SYT16: variants seen among roughly 807,000 people sequenced by gnomAD.
SYT16 encodes synaptotagmin-16.
Under a neutral mutation model 61.4 loss-of-function variants are expected in SYT16, and 42 were observed. The observed-to-expected ratio is 0.68, with a 90% CI of 0.53 to 0.89. The LOEUF is 0.89. Ranked by LOEUF, SYT16 falls within the 40% of genes least tolerant of loss-of-function variation. SYT16 has a pLI of 0.00. For missense variants in SYT16, 804 were observed against 807.3 expected (o/e 1.00, Z 0.05); for synonymous variants, 314 against 302.3 (o/e 1.04, Z -0.40).
chr14:61,933,963 G>C (rs2049877000), intron 1 of SYT16, among the ~76,000 whole-genome samples: 1 of 152,036 alleles, frequency 6.6e-6, no homozygotes, highest in Admixed American at 6.5e-5. Context: ...ATATTTGTGT[G>C]TATATATGAG....
At chr14:62,008,207 T>C (rs532420296) in intron 3 of SYT16, among the ~76,000 whole-genome samples, 1 of 152,180 alleles carries the variant, frequency 6.6e-6, no homozygotes, top group Non-Finnish European at 1.5e-5. Flanking sequence ...GGTACCCTCT[T>C]CCCATATCTG....
chr14:62,023,927 A>G (rs1158108144), intron 3 of SYT16, among the ~76,000 whole-genome samples: 8 of 152,146 alleles, frequency 5.3e-5, no homozygotes, highest in Admixed American at 1.3e-4. Flanking sequence ...TAAAGTTTAT[A>G]TGGGAAAATG....
intron 1 of SYT16, among the ~76,000 whole-genome samples, chr14:61,924,766 T>C (rs2140412862): frequency 6.6e-6 from 1 of 152,318 alleles, no homozygotes; most frequent in East Asian, 1.9e-4. Context: ...ACAAATAGTG[T>C]ATGGATTAAA....
chr14:61,935,008 A>T (rs899669601), intron 1 of SYT16, among the ~76,000 whole-genome samples: 4 of 152,212 alleles, frequency 2.6e-5, no homozygotes, highest in African/African-American at 4.8e-5. Context: ...CATAAATTTA[A>T]GGTGTGCAAC....
intron 3 of SYT16, among the ~76,000 whole-genome samples, chr14:62,020,797 C>T (rs1281297642): frequency 1.3e-5 from 2 of 152,138 alleles, no homozygotes; most frequent in African/African-American, 4.8e-5. Context: ...CCGCATGTCC[C>T]CAGTGCTGGC....
chr14:61,888,861 A>G (rs1324071370), intron 1 of SYT16, among the ~76,000 whole-genome samples: 2 of 152,230 alleles, frequency 1.3e-5, no homozygotes, highest in South Asian at 2.1e-4. Context: ...AAAAGGTACA[A>G]TGATGAGGAT....
intron 1 of SYT16, among the ~76,000 whole-genome samples, chr14:61,969,041 G>A (rs546615184): frequency 4.5e-4 from 69 of 152,256 alleles, no homozygotes; most frequent in South Asian, 1.5e-3. Flanking sequence ...TCAAGGTGTT[G>A]AGATTGGTTT....
intron 3 of SYT16, among the ~76,000 whole-genome samples, chr14:62,018,304 T>TC (rs2053778654): frequency 2.4e-5 from 1 of 42,146 alleles, no homozygotes; most frequent in Non-Finnish European, 4.5e-5. Flanking sequence ...TCTTCTTTTT[T>TC]TTTTTTTTTT....
intron 1 of SYT16, among the ~76,000 whole-genome samples, chr14:61,969,533 G>A (rs1478736170): frequency 1.3e-5 from 2 of 152,140 alleles, no homozygotes; most frequent in Admixed American, 1.3e-4. Flanking sequence ...AATATTAGTA[G>A]TCAAAACTAC....
At chr14:61,893,610 T>A (rs1039544377) in intron 1 of SYT16, among the ~76,000 whole-genome samples, 2 of 152,254 alleles carry the variant, frequency 1.3e-5, no homozygotes, top group Non-Finnish European at 2.9e-5. Flanking sequence ...TTTCTTTTTT[T>A]AGCTGTAATT....
chr14:61,972,178 A>C (rs1338224722), intron 2 of SYT16, among the ~76,000 whole-genome samples: 1 of 152,256 alleles, frequency 6.6e-6, no homozygotes, highest in Non-Finnish European at 1.5e-5. Flanking sequence ...ATAGCAAGTC[A>C]CAGTAATGGC....
chr14:61,884,377 A>G (rs1365484071), intron 1 of SYT16, among the ~76,000 whole-genome samples: 1 of 152,238 alleles, frequency 6.6e-6, no homozygotes, highest in East Asian at 1.9e-4. Context: ...AAAGTAAGTT[A>G]ATTATTACGT....
intron 1 of SYT16, among the ~76,000 whole-genome samples, chr14:61,915,815 A>G (rs905138879): frequency 1.3e-5 from 2 of 152,256 alleles, no homozygotes; most frequent in African/African-American, 4.8e-5. Context: ...ACCCATTTGA[A>G]GGTTGCTTCT....
chr14:62,081,216 T>A lies in SYT16; in HGVS notation c.1376T>A (p.Leu459Gln). 1 of 1,613,972 alleles carries A rather than the reference T, an allele frequency of 6.2e-7. No homozygotes were observed. Among genetic ancestry groups the A allele is most frequent in the Non-Finnish European group, 8.5e-7 (1 of 1,179,876 alleles). ...MGEKLFYLSH[L>Q]HPEGEMKVTL... ...GAGAAACTATTCTATCTCAGCCACC[T>A]GCACCCAGAAGGGGAAATGAAAGTG... The change falls in exon 6 of 8, where the codon CTG becomes CAG. Residue 459 changes from leucine (L) to glutamine (Q), a missense_variant. Leu to Gln is a moderately radical substitution (Grantham distance 113). Transcript: ENST00000683842.
At chr14:61,825,947 T>C (rs1048751215) in intron 1 of SYT16, among the ~76,000 whole-genome samples, 1 of 152,246 alleles carries the variant, frequency 6.6e-6, no homozygotes, top group African/African-American at 2.4e-5. Context: ...TCAGGAGCAC[T>C]TCCTGCCACC....
At chr14:62,056,431 G>A (rs185748453) in intron 3 of SYT16, among the ~76,000 whole-genome samples, 9 of 152,278 alleles carry the variant, frequency 5.9e-5, no homozygotes, top group East Asian at 1.9e-4. Context: ...AGCATTGTTG[G>A]TTATAAAAGA....
intron 7 of SYT16, among the ~76,000 whole-genome samples, chr14:62,098,274 A>C (rs1196667113): frequency 1.3e-5 from 2 of 152,270 alleles, no homozygotes; most frequent in Non-Finnish European, 2.9e-5. Flanking sequence ...TGCTGCCTGC[A>C]TTGAACAGAA....
At chr14:61,818,156 G>A (rs548634868) in intron 1 of SYT16, among the ~76,000 whole-genome samples, 1 of 152,160 alleles carries the variant, frequency 6.6e-6, no homozygotes, top group Non-Finnish European at 1.5e-5. Flanking sequence ...ATATACACAA[G>A]AAGAGAGAAT....
intron 1 of SYT16, among the ~76,000 whole-genome samples, chr14:61,882,098 A>G (rs557146748): frequency 1.3e-5 from 2 of 152,204 alleles, no homozygotes; most frequent in African/African-American, 4.8e-5. Flanking sequence ...CCTTCTAATT[A>G]GTCTCCACAT....
Sources: gnomAD v4.1 joint callset for allele counts (sites outside exome capture counted in the v4.1 genomes callset) on GRCh38, gnomAD v4.1.1 for gene constraint, MANE v1.5 for transcripts, NCBI Gene and HGNC (gene_info 2026-07-23, HGNC 2026-07-21) for gene names.